CDH12: variants seen among roughly 807,000 people sequenced by gnomAD.
The protein encoded by CDH12 is cadherin 12.
A neutral mutation model predicts 74.1 loss-of-function variants in CDH12; 41 were observed. The observed-to-expected ratio is 0.55, with a 90% CI of 0.43 to 0.72. CDH12 has a LOEUF of 0.72. Among genes scored for constraint, CDH12 ranks in the 30% least tolerant of loss-of-function variants. CDH12 has a pLI of 0.00. For synonymous variants in CDH12, 399 were observed against 355.0 expected (o/e 1.12, Z -1.39); for missense variants, 945 against 977.2 (o/e 0.97, Z 0.44).
chr5:21,982,612 C>T (rs1177997688), intron 5 of CDH12, among the ~76,000 whole-genome samples: 1 of 151,366 alleles, frequency 6.6e-6, no homozygotes, highest in Non-Finnish European at 1.5e-5. Context: ...ATCTCTATAT[C>T]TATAATCTAT....
At chr5:22,647,446 C>T (rs193299397) in intron 1 of CDH12, among the ~76,000 whole-genome samples, 1 of 151,700 alleles carries the variant, frequency 6.6e-6, no homozygotes, top group East Asian at 1.9e-4. Flanking sequence ...AAATTTATTT[C>T]TCATGTTTCT....
At chr5:22,529,219 AGAGAG>A in intron 1 of CDH12, among the ~76,000 whole-genome samples, 1 of 143,770 alleles carries the variant, frequency 7.0e-6, no homozygotes, top group South Asian at 2.2e-4. Flanking sequence ...AGAGAGAGAG[AGAGAG>A]AAGAGAGAGA....
intron 4 of CDH12, among the ~76,000 whole-genome samples, chr5:22,092,454 T>C (rs1743492529): frequency 6.6e-6 from 1 of 152,164 alleles, no homozygotes; most frequent in Non-Finnish European, 1.5e-5. Context: ...GAGAGGGCTT[T>C]GAATAGACAT....
intron 2 of CDH12, among the ~76,000 whole-genome samples, chr5:22,441,259 G>A (rs1023118512): frequency 2.6e-5 from 4 of 152,070 alleles, no homozygotes; most frequent in African/African-American, 4.8e-5. Flanking sequence ...GCTTTTACAT[G>A]TTCTGTTGGG....
At chr5:21,840,473 A>G (rs1749777110) in intron 8 of CDH12, among the ~76,000 whole-genome samples, 1 of 151,936 alleles carries the variant, frequency 6.6e-6, no homozygotes, top group Non-Finnish European at 1.5e-5. Flanking sequence ...TCAAGCTACC[A>G]ATGACTTTCT....
At chr5:22,088,839 G>C (rs1743229386) in intron 4 of CDH12, among the ~76,000 whole-genome samples, 1 of 152,092 alleles carries the variant, frequency 6.6e-6, no homozygotes, top group Middle Eastern at 3.2e-3. Flanking sequence ...AGTAAGCCTT[G>C]CTTTCTTACT....
chr5:21,883,204 A>G, intron 6 of CDH12: 1 of 1,401,708 alleles, frequency 7.1e-7, no homozygotes, highest in Non-Finnish European at 1.0e-6. Flanking sequence ...AAGGATGGAA[A>G]AACACTGAAT....
chr5:22,669,307 T>C (rs1036971195), intron 1 of CDH12, among the ~76,000 whole-genome samples: 1 of 152,180 alleles, frequency 6.6e-6, no homozygotes, highest in Non-Finnish European at 1.5e-5. Context: ...CTAACAGTTT[T>C]AAAAGATTAA....
At chr5:22,657,185 G>A (rs1176774747) in intron 1 of CDH12, among the ~76,000 whole-genome samples, 3 of 152,140 alleles carry the variant, frequency 2.0e-5, no homozygotes, top group Non-Finnish European at 1.5e-5. Context: ...TTCTATTTAC[G>A]TGAAATGCAC....
intron 1 of CDH12, among the ~76,000 whole-genome samples, chr5:22,579,060 T>C (rs1478384436): frequency 6.6e-6 from 1 of 152,204 alleles, no homozygotes; most frequent in Non-Finnish European, 1.5e-5. Context: ...ATCTACAAAC[T>C]ATACTGTTTG....
chr5:22,580,676 G>C (rs1310127344), intron 1 of CDH12: 1 of 400,992 alleles, frequency 2.5e-6, no homozygotes. Context: ...AGTGTTTCAA[G>C]TGGAGGAGGC....
At chr5:21,825,152 CAAAA>C (rs34483269) in intron 8 of CDH12, among the ~76,000 whole-genome samples, 1 of 122,118 alleles carries the variant, frequency 8.2e-6, no homozygotes. Context: ...GACTCTATCT[CAAAA>C]AAAAAAAAAA....
At chr5:22,643,544 T>A (rs1561547600) in intron 1 of CDH12, among the ~76,000 whole-genome samples, 1 of 152,096 alleles carries the variant, frequency 6.6e-6, no homozygotes, top group South Asian at 2.1e-4. Context: ...TTTTTGGCAA[T>A]ATCACGCCTA....
intron 10 of CDH12, among the ~76,000 whole-genome samples, chr5:21,791,136 C>T (rs7443416): frequency 0.97 from 147,302 of 152,104 alleles, 71,347 homozygotes; most frequent in East Asian, 1. Context: ...AGCCAGGTCT[C>T]AGACTACAGG....
chr5:22,332,093 A>G (rs1443172379), intron 3 of CDH12, among the ~76,000 whole-genome samples: 1 of 152,202 alleles, frequency 6.6e-6, no homozygotes, highest in Non-Finnish European at 1.5e-5. Context: ...TAGAAAGTTT[A>G]TTCAAAAGAT....
At chr5:22,287,812 A>T in intron 3 of CDH12, among the ~76,000 whole-genome samples, 1 of 151,956 alleles carries the variant, frequency 6.6e-6, no homozygotes, top group East Asian at 1.9e-4. Context: ...TGTAATATAA[A>T]TTGAAGTTTC....
At chr5:22,398,595 C>T (rs751719614) in intron 3 of CDH12, among the ~76,000 whole-genome samples, 12 of 152,234 alleles carry the variant, frequency 7.9e-5, no homozygotes, top group Non-Finnish European at 1.5e-4. Flanking sequence ...AATGATAGAA[C>T]ACGCATCCTC....
intron 6 of CDH12, among the ~76,000 whole-genome samples, chr5:21,872,520 G>T (rs1257394719): frequency 6.6e-6 from 1 of 152,064 alleles, no homozygotes; most frequent in Non-Finnish European, 1.5e-5. Context: ...CTTGCTGTTA[G>T]GAAATTCCAT....
At chr5:22,718,319 G>A (rs1434678545) in intron 1 of CDH12, among the ~76,000 whole-genome samples, 2 of 152,106 alleles carry the variant, frequency 1.3e-5, no homozygotes, top group African/African-American at 4.8e-5. Context: ...CTTAAAGTGG[G>A]AACTCTAGTA....
Sources: allele counts gnomAD v4.1 joint callset (sites outside exome capture counted in the v4.1 genomes callset), GRCh38; gene constraint gnomAD v4.1.1; transcripts MANE v1.5; gene names NCBI Gene and HGNC (gene_info 2026-07-23, HGNC 2026-07-21).